Variants in FCSK observed in about 807,000 individuals in gnomAD.
FCSK encodes L-fucose kinase.
FCSK carries 123 observed loss-of-function variants against 122.5 expected under a neutral mutation model. That is an observed-to-expected ratio of 1.00 (90% CI 0.87 to 1.17). The LOEUF (loss-of-function observed/expected upper bound fraction) is 1.17. Among genes scored for constraint, FCSK ranks in the 50% most tolerant of loss-of-function variants. The pLI is 0.00. For missense variants in FCSK, 1,366 were observed against 1,450.4 expected, an observed-to-expected ratio of 0.94 and a Z score of 0.95; for synonymous variants, 620 against 625.5, an observed-to-expected ratio of 0.99 and a Z score of 0.13.
At chr16:70,478,765 G>GTTCCCA in intron 22 of FCSK, 115 bp downstream of exon 22, 1 of 845,632 alleles carries the variant, frequency 1.2e-6, no homozygotes, top group Non-Finnish European at 1.9e-6. Context: ...TTCGGCCTCT[G>GTTCCCA]GGAACAGAAG....
chr16:70,473,201 C>T lies in FCSK; in HGVS notation c.1625C>T (p.Thr542Met), dbSNP rs369940276. The stretch of plus-strand genomic sequence containing the variant: ...CAGCCGTGCCTGGATCGGGCTGCCA[C>T]GCTGGCCTCTCGCCGGGACCTGTTC... ...QLQPCLDRAA[T>M]LASRRDLFFR... The change falls in exon 15 of 24, where the codon ACG becomes ATG. Residue 542 changes from threonine (T) to methionine (M), a missense_variant. Coordinates refer to ENST00000288078, the MANE Select transcript of FCSK (RefSeq NM_145059.3). This position sits in a 1 kb window ranked among gnomAD's most constrained non-coding sequence, Gnocchi z 4.9. 57 of 1,537,878 alleles carry T rather than the reference C, an allele frequency of 3.7e-5. No homozygotes were observed. Among genetic ancestry groups the T allele is most frequent in the South Asian group, 2.6e-4 (22 of 83,984 alleles).
intron 3 of FCSK, among the ~76,000 whole-genome samples, chr16:70,464,776 G>A (rs955353862): frequency 6.6e-6 from 1 of 152,092 alleles, no homozygotes; most frequent in African/African-American, 2.4e-5. Flanking sequence ...TAGTTAAGAG[G>A]CTGAGGTGGG....
chr16:70,475,439 G>A lies in FCSK; in HGVS notation c.2467G>A (p.Gly823Arg), dbSNP rs1451186630. 4 of 1,607,552 alleles carry A rather than the reference G, an allele frequency of 2.5e-6. No homozygotes were observed. The highest frequency in any genetic ancestry group is 1.3e-5 in the African/African-American group (1 of 75,038). The stretch of plus-strand genomic sequence containing the variant: ...GAGTGAGCAGCTGCTCCGCACCTTC[G>A]GGGGCGGCTTTGAGCTGCACACCTG... ...QLSEQLLRTFGGGFELHTWSE... is the reference protein window; with the variant it reads ...QLSEQLLRTFRGGFELHTWSE... Residue 823 changes from glycine to arginine, a missense_variant, in exon 19 of 24, where the codon GGG becomes AGG. Gly to Arg is a moderately radical substitution (Grantham distance 125, BLOSUM62 -2). Coordinates refer to ENST00000288078, the MANE Select transcript of FCSK (RefSeq NM_145059.3).
rs746459292 is a variant in FCSK, at chr16:70,475,817, G to A, written c.2641+50G>A. On this transcript the variant is annotated intron_variant, in intron 20 of 23. Coordinates refer to ENST00000288078, the MANE Select transcript of FCSK (RefSeq NM_145059.3). ...GGAGGTCACTGACACTTTCCCAAGG[G>A]CCCGCGGGGGGAGTGGGGCTCCCCT... 7 of 1,496,176 alleles carry A rather than the reference G, an allele frequency of 4.7e-6. No homozygotes were observed. In the Admixed American group the frequency reaches 1.5e-4, roughly 33 times the overall value. The allele number at this position is 1,496,176 out of a possible 1,614,324, so 92.7% of individuals were successfully genotyped here.
At chr16:70,466,431 G>A (rs2048420694) in intron 5 of FCSK, 174 bp downstream of exon 5, 1 of 769,530 alleles carries the variant, frequency 1.3e-6, no homozygotes, top group South Asian at 1.9e-5. Flanking sequence ...AGTGGCTCAT[G>A]CCTATAATTT....
In FCSK at chr16:70,466,270, G is replaced by A. The variant is rs766870057; in HGVS notation, c.411+13G>A. The A allele has an allele frequency of 1.2e-6, 2 of 1,613,480 alleles. No individual in the cohort carries two copies. Among genetic ancestry groups the A allele is most frequent in the South Asian group, 2.2e-5 (2 of 91,058 alleles). The stretch of plus-strand genomic sequence containing the variant: ...CATGACCTATCGGGTGAGGCTGGGT[G>A]GTGGCCCGTGGTGCCTCGTCCCAGA... On this transcript the variant is annotated intron_variant, in intron 5 of 23. Coordinates refer to ENST00000288078, the MANE Select transcript of FCSK (RefSeq NM_145059.3).
At chr16:70,479,488 T>TGTAA (rs1219848677) in intron 23 of FCSK, 85 bp downstream of exon 23, 1 of 1,481,730 alleles carries the variant, frequency 6.7e-7, no homozygotes, top group African/African-American at 1.4e-5. Context: ...GGGCTATATC[T>TGTAA]GTAAGTCCCC....
intron 1 of FCSK, among the ~76,000 whole-genome samples, chr16:70,460,884 C>T (rs2048245223): frequency 6.6e-6 from 1 of 152,178 alleles, no homozygotes; most frequent in Non-Finnish European, 1.5e-5. Context: ...AGTTACACTC[C>T]CTGCTGCAGC....
At position 70,472,991 on chromosome 16, in the gene FCSK, A is replaced by C. The variant is rs935032892; in HGVS notation, c.1415A>C (p.Asp472Ala). 7 of 1,602,222 alleles carry C rather than the reference A, an allele frequency of 4.4e-6. No homozygotes were observed. In the African/African-American group the frequency reaches 9.4e-5, roughly 22 times the overall value. Residue 472 changes from aspartate (D) to alanine (A), a missense_variant, in exon 15 of 24, where the codon GAC becomes GCC. Coordinates refer to ENST00000288078, the MANE Select transcript of FCSK (RefSeq NM_145059.3). ...FFKRTGVRAW[D>A]LWDPETLPAE... Reference sequence around the variant, plus strand: ...CCTTCTCCCCACATCAGAGCCTGGGACCTGTGGGACCCTGAGACGCTGCCC... The same window carrying C: ...CCTTCTCCCCACATCAGAGCCTGGGCCCTGTGGGACCCTGAGACGCTGCCC...
In FCSK at chr16:70,468,949, C is replaced by A; in HGVS notation, c.764C>A (p.Ser255Tyr). 1 of 1,613,608 alleles carries A rather than the reference C, an allele frequency of 6.2e-7. No individual in the cohort carries two copies. The highest frequency in any genetic ancestry group is 8.5e-7 in the Non-Finnish European group (1 of 1,180,022). Residue 255 changes from serine to tyrosine, a missense_variant, in exon 9 of 24, where the codon TCC becomes TAC. Ser to Tyr is a moderately radical substitution (Grantham distance 144). Transcript: ENST00000288078. ...LDACTYLGLDSGARPVQLSLF... is the reference protein window; with the variant it reads ...LDACTYLGLDYGARPVQLSLF... ...GCCTGCACCTACCTAGGCTTGGACT[C>A]CGGAGCCCGGCCTGTCCAGGTGACT...
At chr16:70,466,985 C>T (rs1219240041) in intron 6 of FCSK, 31 bp downstream of exon 6, 1 of 1,599,870 alleles carries the variant, frequency 6.3e-7, no homozygotes, top group Non-Finnish European at 8.6e-7. Flanking sequence ...GACTGCCTTC[C>T]TTCGTCACAG....
At position 70,475,510 on chromosome 16, in the gene FCSK, T is replaced by G. The variant is rs1350085313; in HGVS notation, c.2521+17T>G. The G allele has an allele frequency of 1.2e-6, 2 of 1,600,544 alleles. No homozygotes were observed. Among genetic ancestry groups the G allele is most frequent in the Non-Finnish European group, 1.7e-6 (2 of 1,176,864 alleles). On this transcript the variant is annotated intron_variant, in intron 19 of 23. Transcript: ENST00000288078. ...CTGGCCTGGGTGAGCGGGCCCTGCC[T>G]CCTGCTACCCACCGACTGTTACAGC...
chr16:70,479,702 G>T lies in FCSK; in HGVS notation c.*22G>T, dbSNP rs773643933. The T allele has an allele frequency of 6.3e-7, 1 of 1,595,832 alleles. No homozygotes were observed. Among genetic ancestry groups the T allele is most frequent in the South Asian group, 1.1e-5 (1 of 90,320 alleles). ...ATGAAGCTGGCTTCTCTCTGCAACA[G>T]GAGAAAACCTGGAGCTACAGTGTCC... On this transcript the variant is annotated 3_prime_UTR_variant, in exon 24 of 24. Transcript: ENST00000288078.
chr16:70,468,976 G>A lies in FCSK; in HGVS notation c.783+8G>A. 3 of 1,612,586 alleles carry A rather than the reference G, an allele frequency of 1.9e-6. No homozygotes were observed. Among genetic ancestry groups the A allele is most frequent in the Non-Finnish European group, 2.5e-6 (3 of 1,179,920 alleles). Reference sequence around the variant, plus strand: ...GGAGCCCGGCCTGTCCAGGTGACTGGGGGAGGGCAGCTAGGTGGGGCCTGG... The same window carrying A: ...GGAGCCCGGCCTGTCCAGGTGACTGAGGGAGGGCAGCTAGGTGGGGCCTGG... On this transcript the variant is annotated splice_region_variant and intron_variant, in intron 9 of 23. Transcript: ENST00000288078.
rs1363284161 is a variant in FCSK at position 70,463,793 on chromosome 16, C to T, written c.234+19C>T. The T allele has an allele frequency of 2.5e-6, 4 of 1,594,332 alleles. No individual in the cohort carries two copies. In the Admixed American group the frequency reaches 5.3e-5, roughly 21 times the overall value. On this transcript the variant is annotated intron_variant, in intron 3 of 23. Transcript: ENST00000288078. ...CTTCACTGTGAGTGCTCACCAGGGC[C>T]ACCTCCCTGGTCTGTGTCCCTGCTG...
At chr16:70,462,515 G>C (rs1028206134) in intron 1 of FCSK, among the ~76,000 whole-genome samples, 5 of 152,314 alleles carry the variant, frequency 3.3e-5, no homozygotes, top group African/African-American at 1.2e-4. Flanking sequence ...TAGTAGTGAA[G>C]AGGTTTTGCC....
chr16:70,475,365 C>A lies in FCSK; in HGVS notation c.2393C>A (p.Ala798Glu). 6.2e-7 allele frequency: 1 copy of A among 1,610,374 alleles called. No homozygotes were observed. Among genetic ancestry groups the A allele is most frequent in the Non-Finnish European group, 8.5e-7 (1 of 1,179,846 alleles). ...QPHAPGALLK[A>E]AFICAGIVHV... ...CCTTCTGCAGGGGCCCTGCTGAAGG[C>A]GGCCTTCATCTGTGCAGGGATCGTG... is the stretch of plus-strand genomic sequence containing the variant. Residue 798 changes from alanine (A) to glutamate (E), a missense_variant, in exon 19 of 24, where the codon GCG (alanine) becomes GAG (glutamate). By Grantham distance (107) the Ala-to-Glu change is moderately radical. Coordinates refer to ENST00000288078, the MANE Select transcript of FCSK (RefSeq NM_145059.3).
At chr16:70,475,278 A>G in intron 18 of FCSK, 72 bp from the exon 19 acceptor site, 3 of 1,557,236 alleles carry the variant, frequency 1.9e-6, no homozygotes. Flanking sequence ...TGGGCTGGGA[A>G]GTCCAGGGTG....
chr16:70,471,618 A>T (rs2048623071), intron 13 of FCSK, among the ~76,000 whole-genome samples: 1 of 151,658 alleles, frequency 6.6e-6, no homozygotes, highest in South Asian at 2.1e-4. Context: ...TTTTTTCTGG[A>T]GATAGAGTCT....
Sources: allele counts gnomAD v4.1 joint callset (sites outside exome capture counted in the v4.1 genomes callset), GRCh38; gene constraint gnomAD v4.1.1; non-coding constraint Gnocchi (gnomAD v3.1); transcripts MANE v1.5; gene names NCBI Gene and HGNC (gene_info 2026-07-23, HGNC 2026-07-21).